Variants in SHISAL2B observed in about 807,000 individuals in gnomAD.
SHISAL2B encodes shisa like 2B.
In SHISAL2B, 12 loss-of-function variants were observed where a neutral mutation model predicts 16.5. The observed-to-expected ratio is 0.73, with a 90% CI of 0.47 to 1.18. SHISAL2B has a LOEUF of 1.18. Among genes scored for constraint, SHISAL2B ranks in the 50% most tolerant of loss-of-function variants. SHISAL2B has a pLI of 0.00. For synonymous variants in SHISAL2B, 72 were observed against 75.0 expected, an observed-to-expected ratio of 0.96 and a Z score of 0.21; for missense variants, 183 against 193.6, an observed-to-expected ratio of 0.95 and a Z score of 0.33.
intron 2 of SHISAL2B, among the ~76,000 whole-genome samples, chr5:64,707,065 T>G (rs982860460): frequency 6.6e-6 from 1 of 152,162 alleles, no homozygotes; most frequent in Admixed American, 6.5e-5. Context: ...TAGTTTTTCT[T>G]TCTCCAGTCT....
At chr5:64,716,331 C>G (rs181504633) in intron 2 of SHISAL2B, among the ~76,000 whole-genome samples, 7 of 152,088 alleles carry the variant, frequency 4.6e-5, no homozygotes, top group Non-Finnish European at 1.5e-5. Context: ...TCTGTCTTAT[C>G]CTTTATTAAT....
chr5:64,699,353 A>T (rs546567587), intron 2 of SHISAL2B, among the ~76,000 whole-genome samples: 10 of 152,316 alleles, frequency 6.6e-5, no homozygotes, highest in African/African-American at 2.4e-4. Flanking sequence ...CTAGAATGGG[A>T]AGAGAAAATT....
At chr5:64,711,622 C>A (rs1487466094) in intron 2 of SHISAL2B, among the ~76,000 whole-genome samples, 1 of 49,934 alleles carries the variant, frequency 2.0e-5, no homozygotes, top group Non-Finnish European at 3.9e-5. Flanking sequence ...GGTACCAGTT[C>A]CTCCTTGTAC....
intron 2 of SHISAL2B, among the ~76,000 whole-genome samples, chr5:64,702,630 A>G (rs553812703): frequency 1.3e-5 from 2 of 152,188 alleles, no homozygotes; most frequent in African/African-American, 2.4e-5. Flanking sequence ...ATAGTTACCT[A>G]TATTTATATA....
At chr5:64,696,748 C>A (rs930564681) in intron 2 of SHISAL2B, among the ~76,000 whole-genome samples, 1 of 152,160 alleles carries the variant, frequency 6.6e-6, no homozygotes, top group Non-Finnish European at 1.5e-5. Context: ...GCTCTCGAAC[C>A]CTGTTTTCTG....
intron 2 of SHISAL2B, among the ~76,000 whole-genome samples, chr5:64,706,810 G>T (rs1741881668): frequency 6.6e-6 from 1 of 152,152 alleles, no homozygotes; most frequent in Non-Finnish European, 1.5e-5. Flanking sequence ...AGCTTAAGTT[G>T]TCTAGCTTCA....
At chr5:64,702,346 A>C (rs1259533460) in intron 2 of SHISAL2B, among the ~76,000 whole-genome samples, 1 of 152,046 alleles carries the variant, frequency 6.6e-6, no homozygotes, top group Non-Finnish European at 1.5e-5. Flanking sequence ...AATTACAGGC[A>C]TGAGCCACCA....
intron 2 of SHISAL2B, among the ~76,000 whole-genome samples, chr5:64,704,805 C>T (rs1259893453): frequency 1.3e-5 from 2 of 151,904 alleles, no homozygotes; most frequent in Non-Finnish European, 2.9e-5. Context: ...GAGATATTTT[C>T]ATCTTTCTCT....
At chr5:64,701,127 A>G (rs1458468531) in intron 2 of SHISAL2B, among the ~76,000 whole-genome samples, 1 of 152,144 alleles carries the variant, frequency 6.6e-6, no homozygotes. Context: ...AGTAGTTCTT[A>G]TTCTGTGTTG....
At chr5:64,714,738 C>T (rs1447561979) in intron 2 of SHISAL2B, among the ~76,000 whole-genome samples, 6 of 152,184 alleles carry the variant, frequency 3.9e-5, no homozygotes, top group Admixed American at 6.5e-5. Context: ...GATATAGTCT[C>T]GTGGTGCGCT....
intron 2 of SHISAL2B, among the ~76,000 whole-genome samples, chr5:64,717,033 T>A (rs1742066637): frequency 6.6e-6 from 1 of 152,112 alleles, no homozygotes; most frequent in African/African-American, 2.4e-5. Context: ...AAGAGAGGCA[T>A]CAAGGACCAG....
At chr5:64,691,564 C>T (rs1027551078) in intron 1 of SHISAL2B, 1 of 151,816 alleles carries the variant, frequency 6.6e-6, no homozygotes, top group African/African-American at 2.4e-5. Flanking sequence ...TTTCTTGAAA[C>T]CCGAGCCATG....
chr5:64,700,725 A>G lies in SHISAL2B; in HGVS notation c.349+5061A>G, dbSNP rs1741797583. On this transcript the variant is annotated intron_variant, in intron 2 of 2. Transcript: ENST00000389074. Reference sequence around the variant, plus strand: ...ACTGTGCCTGGCCCTTTTATATGCCATGAATCAGTAGTCTCCATCTGTTTT... The same window carrying G: ...ACTGTGCCTGGCCCTTTTATATGCCGTGAATCAGTAGTCTCCATCTGTTTT... Among the ~76,000 whole-genome samples, 3 of 152,138 alleles carry G rather than the reference A, an allele frequency of 2.0e-5. No homozygotes were observed. In the South Asian group the frequency reaches 6.2e-4, roughly 31 times the overall value.
chr5:64,711,241 G>C lies in SHISAL2B; in HGVS notation c.350-6648G>C, dbSNP rs921871726. On this transcript the variant is annotated intron_variant, in intron 2 of 2. Transcript: ENST00000389074. Reference sequence around the variant, plus strand: ...ATACCTAATTTATTGAGAGTTTTTAGCATGAAGGGTTGTTGAATTTTGTCA... The same window carrying C: ...ATACCTAATTTATTGAGAGTTTTTACCATGAAGGGTTGTTGAATTTTGTCA... Among the ~76,000 whole-genome samples the C allele has an allele frequency of 3.7e-4, 53 of 141,550 alleles. 2 individuals are homozygous for C. The highest frequency in any genetic ancestry group is 1.5e-3 in the African/African-American group (52 of 34,174). The allele number at this position is 141,550 out of a possible 152,430, so 92.9% of individuals were successfully genotyped here.
chr5:64,711,302 G>A (rs1176831112), intron 2 of SHISAL2B, among the ~76,000 whole-genome samples: 8 of 147,620 alleles, frequency 5.4e-5, no homozygotes. Context: ...TAATCATGTG[G>A]TTTTTGTCTT....
rs932764707 is a variant in SHISAL2B at position 64,690,595 on chromosome 5, T to C, written c.-29T>C. On this transcript the variant is annotated 5_prime_UTR_variant, in exon 1 of 3. Transcript: ENST00000389074. ...GCGATCCGAGAGCAGACCGGGGCCC[T>C]CGCGAGCCTCTCCCGGCCCCTGCCC... 3.5e-6 allele frequency: 5 copies of C among 1,441,718 alleles called. No homozygotes were observed. The highest frequency in any genetic ancestry group is 2.6e-5 in the East Asian group (1 of 37,948). The allele number at this position is 1,441,718 out of a possible 1,614,324, so 89.3% of individuals were successfully genotyped here. A position where few individuals can be genotyped will look rare whatever the true frequency, so the allele number is the denominator to read the frequency against.
intron 2 of SHISAL2B, among the ~76,000 whole-genome samples, chr5:64,709,696 C>G (rs1370870777): frequency 6.7e-6 from 1 of 148,684 alleles, no homozygotes; most frequent in Non-Finnish European, 1.5e-5. Flanking sequence ...CTCTCCAGCA[C>G]CTGTTGTTTC....
intron 2 of SHISAL2B, among the ~76,000 whole-genome samples, chr5:64,710,513 G>A (rs1373257477): frequency 6.1e-5 from 4 of 65,160 alleles, no homozygotes; most frequent in Non-Finnish European, 1.0e-4. Context: ...TTGACTTGGC[G>A]ATGCGGGCTC....
At chr5:64,716,803 G>A (rs767506667) in intron 2 of SHISAL2B, among the ~76,000 whole-genome samples, 49 of 152,196 alleles carry the variant, frequency 3.2e-4, no homozygotes, top group Non-Finnish European at 6.3e-4. Flanking sequence ...AATGGTGTGT[G>A]TATGAAATCA....
Sources: gnomAD v4.1 joint callset for allele counts (sites outside exome capture counted in the v4.1 genomes callset) on GRCh38, gnomAD v4.1.1 for gene constraint, MANE v1.5 for transcripts, NCBI Gene and HGNC (gene_info 2026-07-23, HGNC 2026-07-21) for gene names.